Variants in CPE observed in about 807,000 individuals in gnomAD.
CPE encodes carboxypeptidase E.
Under a neutral mutation model 53.5 loss-of-function variants are expected in CPE, and 17 were observed. That is an observed-to-expected ratio of 0.32 (90% CI 0.22 to 0.48). The LOEUF (loss-of-function observed/expected upper bound fraction) is 0.48, where lower values mean the gene tolerates loss of function less well. Ranked by LOEUF, CPE falls within the 20% of genes least tolerant of loss-of-function variation. The probability of loss-of-function intolerance (pLI) is 0.99; values close to 1 mark genes in which losing one functional copy is unlikely to be tolerated. For missense variants in CPE, 524 were observed against 614.7 expected (o/e 0.85, Z 1.56); for synonymous variants, 226 against 228.8 (o/e 0.99, Z 0.11).
chr4:165,468,075 G>A (rs949914338), intron 3 of CPE, among the ~76,000 whole-genome samples: 2 of 152,094 alleles, frequency 1.3e-5, no homozygotes, highest in Non-Finnish European at 2.9e-5. Flanking sequence ...CAGATATAGG[G>A]AGGAACCCAG....
chr4:165,419,902 T>C (rs1367024026), intron 1 of CPE, among the ~76,000 whole-genome samples: 2 of 152,250 alleles, frequency 1.3e-5, no homozygotes, highest in African/African-American at 4.8e-5. Context: ...TTTCTGCAAG[T>C]TGCTAGCCAA....
rs191074137 is a variant in CPE, at chr4:165,404,166, C to T, written c.307+24638C>T. ...GCAGCCTCATACTTCTTGAGCCGGT[C>T]CACTATCTTCTGGGCTTCATACAGA... is the stretch of plus-strand genomic sequence containing the variant. On this transcript the variant is annotated intron_variant, in intron 1 of 8. Transcript: ENST00000402744. 73 of 761,864 alleles carry T rather than the reference C, an allele frequency of 9.6e-5. No homozygotes were observed. The East Asian group carries it at 1.8e-3, about 18-fold the overall frequency. 47.2% of individuals were successfully genotyped at this position (761,864 alleles called of 1,614,324 possible).
chr4:165,477,873 G>A (rs1254079471), intron 3 of CPE, among the ~76,000 whole-genome samples: 1 of 152,046 alleles, frequency 6.6e-6, no homozygotes, highest in African/African-American at 2.4e-5. Flanking sequence ...CCACTCGCTC[G>A]AGATCCATGC....
At chr4:165,440,328 G>A (rs1731585864) in intron 1 of CPE, among the ~76,000 whole-genome samples, 1 of 152,080 alleles carries the variant, frequency 6.6e-6, no homozygotes, top group Non-Finnish European at 1.5e-5. Flanking sequence ...AGATCAGTTT[G>A]AACTGAGCCC....
At chr4:165,444,370 A>G (rs914975744) in intron 1 of CPE, among the ~76,000 whole-genome samples, 3 of 152,168 alleles carry the variant, frequency 2.0e-5, no homozygotes, top group African/African-American at 7.2e-5. Flanking sequence ...AATTAGAAAA[A>G]GATATCATTG....
intron 6 of CPE, among the ~76,000 whole-genome samples, chr4:165,488,777 C>G (rs1043763160): frequency 6.6e-6 from 1 of 151,984 alleles, no homozygotes; most frequent in Non-Finnish European, 1.5e-5. Flanking sequence ...CAGTTTCTTT[C>G]TCCACCATTG....
intron 1 of CPE, among the ~76,000 whole-genome samples, chr4:165,453,533 C>T (rs193128586): frequency 1.4e-4 from 21 of 152,034 alleles, no homozygotes; most frequent in South Asian, 6.2e-4. Flanking sequence ...CACAGGCTTG[C>T]ACCACCATGC....
intron 1 of CPE, among the ~76,000 whole-genome samples, chr4:165,407,781 C>T (rs1266566951): frequency 6.6e-6 from 1 of 151,944 alleles, no homozygotes; most frequent in Non-Finnish European, 1.5e-5. Context: ...GTCTTGAACT[C>T]CTGACCTCAG....
chr4:165,489,763 T>C (rs577726247), intron 6 of CPE, among the ~76,000 whole-genome samples: 1 of 152,346 alleles, frequency 6.6e-6, no homozygotes. Flanking sequence ...ATACTTATGG[T>C]AGCAGGTGGG....
chr4:165,487,135 C>T (rs1732517678), intron 5 of CPE, among the ~76,000 whole-genome samples: 1 of 152,156 alleles, frequency 6.6e-6, no homozygotes, highest in South Asian at 2.1e-4. Flanking sequence ...AAGTCTTTTA[C>T]CCTGTTGTCT....
intron 3 of CPE, among the ~76,000 whole-genome samples, chr4:165,469,321 T>C (rs1241695126): frequency 2.0e-5 from 3 of 152,200 alleles, no homozygotes; most frequent in African/African-American, 7.2e-5. Context: ...CTACATGTAG[T>C]GTCTTTCCTA....
intron 2 of CPE, among the ~76,000 whole-genome samples, chr4:165,467,024 G>A (rs1732117513): frequency 6.6e-6 from 1 of 151,908 alleles, no homozygotes; most frequent in African/African-American, 2.4e-5. Flanking sequence ...CAAATGTTTT[G>A]TTAAATATAA....
rs546932021 is a variant in CPE at position 165,494,090 on chromosome 4, A to G, written c.1213+820A>G. ...CATTTATAGCTTGGATTAAAAAAAA[A>G]TCTTTAACATTTGTCCTCTAAAACT... On this transcript the variant is annotated intron_variant, in intron 7 of 8. Transcript: ENST00000402744. Among the ~76,000 whole-genome samples the G allele has an allele frequency of 1.3e-5, 2 of 152,302 alleles. 1 individual carries two copies. The highest frequency in any genetic ancestry group is 3.9e-4 in the East Asian group (2 of 5,176).
At chr4:165,404,946 C>T (rs1440397059) in intron 1 of CPE, 13 of 758,344 alleles carry the variant, frequency 1.7e-5, no homozygotes, top group East Asian at 1.2e-4. Context: ...CTAGCAAAGA[C>T]GTAGTGATCT....
intron 5 of CPE, among the ~76,000 whole-genome samples, chr4:165,486,886 G>A (rs923680095): frequency 9.2e-5 from 14 of 152,116 alleles, no homozygotes; most frequent in African/African-American, 2.4e-4. Flanking sequence ...TCTCTGGGGC[G>A]CATCCTTAAC....
At chr4:165,450,213 C>T (rs1731784775) in intron 1 of CPE, among the ~76,000 whole-genome samples, 1 of 152,014 alleles carries the variant, frequency 6.6e-6, no homozygotes, top group Non-Finnish European at 1.5e-5. Context: ...AGGGAAGGGA[C>T]AGGTGAAATA....
At chr4:165,484,311 T>TA (rs1288931672) in intron 4 of CPE, 111 bp from the exon 5 acceptor site, 1 of 1,021,478 alleles carries the variant, frequency 9.8e-7, no homozygotes, top group Non-Finnish European at 1.4e-6. Flanking sequence ...GTTATGTAGC[T>TA]AAAAAAATAC....
At chr4:165,419,599 A>G (rs981030644) in intron 1 of CPE, among the ~76,000 whole-genome samples, 1 of 152,208 alleles carries the variant, frequency 6.6e-6, no homozygotes, top group African/African-American at 2.4e-5. Flanking sequence ...TCAGTTTCCT[A>G]AAGTCACACA....
chr4:165,423,667 A>G (rs983779785), intron 1 of CPE, among the ~76,000 whole-genome samples: 1 of 151,668 alleles, frequency 6.6e-6, no homozygotes, highest in East Asian at 1.9e-4. Flanking sequence ...TTATACTTTA[A>G]GTTTTAGGGT....
Sources: allele counts gnomAD v4.1 joint callset (sites outside exome capture counted in the v4.1 genomes callset), GRCh38; gene constraint gnomAD v4.1.1; transcripts MANE v1.5; gene names NCBI Gene and HGNC (gene_info 2026-07-23, HGNC 2026-07-21).